Variants in PHC2 observed in about 807,000 individuals in gnomAD.
The protein encoded by PHC2 is polyhomeotic homolog 2, also known as polyhomeotic-like protein 2.
Under a neutral mutation model 87.4 loss-of-function variants are expected in PHC2, and 29 were observed. The ratio of observed to expected loss-of-function variants is 0.33; its 90% CI spans 0.25 to 0.45. PHC2 has a LOEUF of 0.45. Ranked by LOEUF, PHC2 falls within the 20% of genes least tolerant of loss-of-function variation. The pLI is 1.00. For synonymous variants in PHC2, 438 were observed against 461.7 expected, an observed-to-expected ratio of 0.95 and a Z score of 0.66; for missense variants, 857 against 1,136.7, an observed-to-expected ratio of 0.75 and a Z score of 3.54.
At chr1:33,420,348 A>G (rs1650384903) in intron 1 of PHC2, among the ~76,000 whole-genome samples, 4 of 152,232 alleles carry the variant, frequency 2.6e-5, no homozygotes, top group Admixed American at 2.6e-4. Context: ...AAACGCGCCT[A>G]GACCTTATGA....
chr1:33,385,266 G>A (rs898698487), intron 1 of PHC2, among the ~76,000 whole-genome samples: 1 of 152,174 alleles, frequency 6.6e-6, no homozygotes, highest in African/African-American at 2.4e-5. Flanking sequence ...ACCTTACCCC[G>A]ACCTCCCAGA....
chr1:33,328,234 CACGCAGG>C (rs931832342), intron 14 of PHC2, among the ~76,000 whole-genome samples: 12 of 152,188 alleles, frequency 7.9e-5, no homozygotes, highest in African/African-American at 2.9e-4. Context: ...TGTGCTCCAC[CACGCAGG>C]GCTCTGTGCC....
At chr1:33,404,944 T>G (rs188860864) in intron 1 of PHC2, among the ~76,000 whole-genome samples, 19 of 152,296 alleles carry the variant, frequency 1.2e-4, no homozygotes, top group Non-Finnish European at 2.6e-4. Flanking sequence ...GAAACAAACT[T>G]GGCATGTTTA....
In PHC2 at chr1:33,374,693, A is replaced by AAAACATTG. The variant is rs1648058246; in HGVS notation, c.174+665_174+672dup. On this transcript the variant is annotated intron_variant, in intron 2 of 14. Transcript: ENST00000683057. ...GCCTGTATTATCCAGGAACCTCAAA[A>AAAACATTG]AAACATTGTAGTGATTAAGAACACA... Among the ~76,000 whole-genome samples, 4 of 151,732 alleles carry AAAACATTG rather than the reference A, an allele frequency of 2.6e-5. No homozygotes were observed. In the South Asian group the frequency reaches 8.3e-4, roughly 32 times the overall value.
At chr1:33,335,427 G>A in intron 9 of PHC2, 1 of 705,268 alleles carries the variant, frequency 1.4e-6, no homozygotes, top group Non-Finnish European at 1.7e-6. Flanking sequence ...ATACCCCAGT[G>A]AGGTATGAGT....
chr1:33,371,147 C>G, intron 3 of PHC2, 53 bp from the exon 4 acceptor site: 3 of 1,428,330 alleles, frequency 2.1e-6, no homozygotes, highest in Non-Finnish European at 3.0e-6. Context: ...CCCAGTCACT[C>G]CTGGGCTCTC....
intron 1 of PHC2, among the ~76,000 whole-genome samples, chr1:33,383,046 A>G (rs1648563690): frequency 6.6e-6 from 1 of 152,198 alleles, no homozygotes; most frequent in Non-Finnish European, 1.5e-5. Context: ...GAGTCTGAAG[A>G]GATGGGTGAA....
chr1:33,354,360 C>T lies in PHC2; in HGVS notation c.1558+41G>A, dbSNP rs765361895. On this transcript the variant is annotated intron_variant, in intron 9 of 14. Transcript: ENST00000683057. ...TGTGCCAGGGCATGGCAAGAAAGGC[C>T]AACTTCCTCCCCTCCCCCAGGGCCC... The T allele has an allele frequency of 4.5e-6, 7 of 1,569,312 alleles. No individual in the cohort carries two copies. In the East Asian group the frequency reaches 1.1e-4, roughly 25 times the overall value.
intron 1 of PHC2, among the ~76,000 whole-genome samples, chr1:33,418,986 T>G (rs1650319440): frequency 6.6e-6 from 1 of 152,210 alleles, no homozygotes; most frequent in African/African-American, 2.4e-5. Flanking sequence ...TCAAACTGTC[T>G]GCCTTGGTTC....
chr1:33,394,062 C>T (rs1472780534), intron 1 of PHC2, among the ~76,000 whole-genome samples: 1 of 152,124 alleles, frequency 6.6e-6, no homozygotes, highest in Admixed American at 6.5e-5. Context: ...AACTCTATTT[C>T]CACTCCTGTC....
At chr1:33,415,546 C>T (rs993936154) in intron 1 of PHC2, among the ~76,000 whole-genome samples, 5 of 151,978 alleles carry the variant, frequency 3.3e-5, no homozygotes, top group Non-Finnish European at 7.4e-5. Context: ...AAAGCCAACA[C>T]TAATTAAAGA....
chr1:33,338,596 C>G (rs1182550542), intron 9 of PHC2, among the ~76,000 whole-genome samples: 2 of 152,258 alleles, frequency 1.3e-5, no homozygotes, highest in African/African-American at 4.8e-5. Context: ...GCTTCCCGCT[C>G]TCCCAGACTG....
chr1:33,368,885 G>A lies in PHC2; in HGVS notation c.577-263C>T, dbSNP rs1394185114. Reference sequence around the variant, plus strand: ...ACCCAGGCTGGGTGCAGGGGTGGGTGGGGAGAGCCGCTCTGGGGCTACACC... The same window carrying A: ...ACCCAGGCTGGGTGCAGGGGTGGGTAGGGAGAGCCGCTCTGGGGCTACACC... On this transcript the variant is annotated intron_variant, in intron 5 of 14. Transcript: ENST00000683057. This position sits in a 1 kb window ranked among gnomAD's most constrained non-coding sequence, Gnocchi z 6.6. 6.6e-6 allele frequency among the ~76,000 whole-genome samples: 1 copy of A among 152,118 alleles called. No individual in the cohort carries two copies. Among genetic ancestry groups the A allele is most frequent in the Non-Finnish European group, 1.5e-5 (1 of 68,006 alleles).
chr1:33,326,022 A>G (rs1467973818), intron 14 of PHC2: 1 of 371,004 alleles, frequency 2.7e-6, no homozygotes, highest in Non-Finnish European at 5.5e-6. Context: ...CTGTTATGAA[A>G]TAAAAGAACA....
chr1:33,361,584 G>A (rs1216497048), intron 7 of PHC2, among the ~76,000 whole-genome samples: 4 of 152,186 alleles, frequency 2.6e-5, no homozygotes, highest in African/African-American at 4.8e-5. Context: ...CAAGTGATCC[G>A]CCTGTCTCGG....
intron 9 of PHC2, among the ~76,000 whole-genome samples, chr1:33,337,861 G>A (rs1646670955): frequency 6.6e-6 from 1 of 152,206 alleles, no homozygotes. Context: ...GATCTGGTTG[G>A]TAAGATTTTT....
chr1:33,367,029 A>T (rs1647491768), intron 7 of PHC2, 87 bp downstream of exon 7: 1 of 1,196,422 alleles, frequency 8.4e-7, no homozygotes, highest in Non-Finnish European at 1.2e-6. Context: ...TTGCAAATCC[A>T]TGGGAAAAAG....
At chr1:33,422,118 C>G (rs1465102623) in intron 1 of PHC2, among the ~76,000 whole-genome samples, 1 of 152,242 alleles carries the variant, frequency 6.6e-6, no homozygotes, top group Non-Finnish European at 1.5e-5. Context: ...GCAAATACAA[C>G]CTCACCTTTG....
chr1:33,338,308 TAA>T (rs1429848002), intron 9 of PHC2, among the ~76,000 whole-genome samples: 1 of 152,224 alleles, frequency 6.6e-6, no homozygotes, highest in Non-Finnish European at 1.5e-5. Context: ...AAGATCTTGT[TAA>T]GAGAGAGAAC....
Sources: gnomAD v4.1 joint callset for allele counts (sites outside exome capture counted in the v4.1 genomes callset) on GRCh38, gnomAD v4.1.1 for gene constraint, Gnocchi (gnomAD v3.1) non-coding constraint, MANE v1.5 for transcripts, NCBI Gene and HGNC (gene_info 2026-07-23, HGNC 2026-07-21) for gene names.